Variants in ASAH2B observed in about 807,000 individuals in gnomAD.
ASAH2B encodes N-acylsphingosine amidohydrolase 2B, also known as putative inactive neutral ceramidase B.
ASAH2B carries 1 observed loss-of-function variant against 2.9 expected under a neutral mutation model. The observed-to-expected ratio is 0.34, with a 90% CI of 0.12 to 1.63. The LOEUF is 1.63. Ranked by LOEUF, ASAH2B falls within the 40% of genes most tolerant of loss-of-function variation. The probability of loss-of-function intolerance (pLI) is 0.36; values close to 1 mark genes in which losing one functional copy is unlikely to be tolerated. For synonymous variants in ASAH2B, 4 were observed against 13.3 expected (o/e 0.30, Z 1.52); for missense variants, 9 against 37.7 (o/e 0.24, Z 1.99).
rs550883449 is a variant in ASAH2B, at chr10:50,742,508, C to A, written c.-99-407C>A. On this transcript the variant is annotated intron_variant, in intron 1 of 5. Coordinates refer to ENST00000647317, the MANE Select transcript of ASAH2B (RefSeq NM_001321958.2). ...CATGGCTTTGTGATGGATTAAATGT[C>A]TTTCTCCAGTTAGCACCTTCTAACT... Among the ~76,000 whole-genome samples the A allele has an allele frequency of 5.7e-3, 872 of 152,236 alleles. 7 individuals are homozygous for A. Among genetic ancestry groups the A allele is most frequent in the Non-Finnish European group, 6.2e-3 (421 of 68,014 alleles).
chr10:50,742,921 C>A lies in ASAH2B; in HGVS notation c.-93C>A. Reference sequence around the variant, plus strand: ...CTCCCTGCCTTTCCTGCAGGCTCAGCGATATGAGGCAGCATCGACAATTTA... The same window carrying A: ...CTCCCTGCCTTTCCTGCAGGCTCAGAGATATGAGGCAGCATCGACAATTTA... On this transcript the variant is annotated 5_prime_UTR_variant, in exon 2 of 6. Coordinates refer to ENST00000647317, the MANE Select transcript of ASAH2B (RefSeq NM_001321958.2). 2 of 1,613,958 alleles carry A rather than the reference C, an allele frequency of 1.2e-6. No homozygotes were observed. Among genetic ancestry groups the A allele is most frequent in the Non-Finnish European group, 1.7e-6 (2 of 1,179,868 alleles).
At position 50,755,139 on chromosome 10, in the gene ASAH2B, A is replaced by T. The variant is rs1474405927; in HGVS notation, c.*399A>T. The T allele has an allele frequency of 8.4e-5, 6 of 71,358 alleles. No individual in the cohort carries two copies. Among genetic ancestry groups the T allele is most frequent in the African/African-American group, 2.4e-4 (6 of 25,410 alleles). 4.4% of individuals were successfully genotyped at this position (71,358 alleles called of 1,614,324 possible). ...AACAATGTTTAAATTATTTATTTAT[A>T]TATAGAATTACTGAATATTAGTACT... On this transcript the variant is annotated 3_prime_UTR_variant, in exon 6 of 6. Transcript: ENST00000647317.
intron 1 of ASAH2B, among the ~76,000 whole-genome samples, chr10:50,740,293 C>A (rs1436094280): frequency 6.6e-6 from 1 of 152,078 alleles, no homozygotes; most frequent in African/African-American, 2.4e-5. Context: ...GCTTTTCCCA[C>A]CAAGAGCAAA....
At chr10:50,747,722 G>C (rs1839928729) in intron 3 of ASAH2B, among the ~76,000 whole-genome samples, 2 of 151,818 alleles carry the variant, frequency 1.3e-5, no homozygotes, top group Admixed American at 6.6e-5. Context: ...TTGGTTTTCA[G>C]ATGTTAAATA....
chr10:50,754,089 C>T (rs1837028928), intron 5 of ASAH2B, among the ~76,000 whole-genome samples: 2 of 148,030 alleles, frequency 1.4e-5, no homozygotes, highest in Non-Finnish European at 3.0e-5. Flanking sequence ...ACTGTACCCT[C>T]AGTACTTCTA....
At chr10:50,742,877 T>C (rs2820741) in intron 1 of ASAH2B, 38 bp from the exon 2 acceptor site, 2 of 1,607,012 alleles carry the variant, frequency 1.2e-6, no homozygotes, top group Admixed American at 1.7e-5. Flanking sequence ...GATTTAAATA[T>C]GCAGAACCAT....
At chr10:50,743,349 GCTTACTACAC>G (rs2132720076) in intron 2 of ASAH2B, among the ~76,000 whole-genome samples, 1 of 150,970 alleles carries the variant, frequency 6.6e-6, no homozygotes, top group South Asian at 2.1e-4. Context: ...AAGTGATGAA[GCTTACTACAC>G]CTGGGAGTTG....
At chr10:50,747,042 G>T (rs1389504748) in intron 3 of ASAH2B, among the ~76,000 whole-genome samples, 1 of 147,920 alleles carries the variant, frequency 6.8e-6, no homozygotes, top group African/African-American at 2.5e-5. Context: ...TGTTGCTTTT[G>T]CATTAGGGGT....
At chr10:50,748,660 T>C (rs985136581) in intron 3 of ASAH2B, among the ~76,000 whole-genome samples, 34 of 151,220 alleles carry the variant, frequency 2.2e-4, no homozygotes, top group Non-Finnish European at 4.0e-4. Context: ...TCTATGATGC[T>C]CTGTGCTATA....
rs368662592 is a variant in ASAH2B at position 50,741,248 on chromosome 10, C to T, written c.-100+1265C>T. On this transcript the variant is annotated intron_variant, in intron 1 of 5. Coordinates refer to ENST00000647317, the MANE Select transcript of ASAH2B (RefSeq NM_001321958.2). ...CTTCTACCCAGTATTTTCCTGTCTC[C>T]TGTCCATATCACAGGGATATACTCC... Among the ~76,000 whole-genome samples, 181 of 152,344 alleles carry T rather than the reference C, an allele frequency of 1.2e-3. 1 individual carries two copies. The highest frequency in any genetic ancestry group is 4.3e-3 in the African/African-American group (177 of 41,568).
At chr10:50,749,296 C>CA (rs1270063943) in intron 3 of ASAH2B, 47 bp from the exon 4 acceptor site, 3 of 374,020 alleles carry the variant, frequency 8.0e-6, no homozygotes, top group Admixed American at 6.0e-5. Context: ...ATGAGTATAG[C>CA]AAAAAAACCG....
chr10:50,756,259 T>C lies in ASAH2B; in HGVS notation c.*1519T>C, dbSNP rs1837086932. 6.6e-6 allele frequency: 1 copy of C among 151,410 alleles called. No individual in the cohort carries two copies. Among genetic ancestry groups the C allele is most frequent in the South Asian group, 2.1e-4 (1 of 4,812 alleles). 9.4% of individuals were successfully genotyped at this position (151,410 alleles called of 1,614,324 possible). A position where few individuals can be genotyped will look rare whatever the true frequency, so the allele number is the denominator to read the frequency against. On this transcript the variant is annotated 3_prime_UTR_variant, in exon 6 of 6. Transcript: ENST00000647317. Reference sequence around the variant, plus strand: ...AGTATTAACATCTATTATGTATAACTTAATCTCAACATAATTTATTGAATT... The same window carrying C: ...AGTATTAACATCTATTATGTATAACCTAATCTCAACATAATTTATTGAATT...
chr10:50,746,102 A>G (rs1420771127), intron 3 of ASAH2B, among the ~76,000 whole-genome samples: 1 of 151,510 alleles, frequency 6.6e-6, no homozygotes, highest in Non-Finnish European at 1.5e-5. Context: ...CTTTGTCTAA[A>G]TGAAATTTTA....
chr10:50,748,102 A>G (rs1417983762), intron 3 of ASAH2B, among the ~76,000 whole-genome samples: 3 of 149,046 alleles, frequency 2.0e-5, no homozygotes, highest in East Asian at 2.0e-4. Context: ...CCTTGCATCA[A>G]TTTTGTGTCT....
chr10:50,756,099 TGCAAA>T lies in ASAH2B; in HGVS notation c.*1365_*1369del, dbSNP rs1198028423. 1.4e-5 allele frequency: 2 copies of T among 143,230 alleles called. No homozygotes were observed. The highest frequency in any genetic ancestry group is 3.1e-5 in the Non-Finnish European group (2 of 64,070). 8.9% of individuals were successfully genotyped at this position (143,230 alleles called of 1,614,324 possible). Reference sequence around the variant, plus strand: ...TTAAGTTAACTACAACCTCCCAGACTGCAAAGCAAATTTCCAAACCCCAGGTCATA... The same window carrying T: ...TTAAGTTAACTACAACCTCCCAGACTGCAAATTTCCAAACCCCAGGTCATA... On this transcript the variant is annotated 3_prime_UTR_variant, in exon 6 of 6. Transcript: ENST00000647317.
intron 3 of ASAH2B, among the ~76,000 whole-genome samples, chr10:50,748,117 A>G (rs1839934365): frequency 1.3e-5 from 2 of 148,266 alleles, no homozygotes; most frequent in Non-Finnish European, 3.0e-5. Context: ...GTGTCTTTCT[A>G]GGAATTTATC....
chr10:50,741,653 A>C (rs1036834494), intron 1 of ASAH2B, among the ~76,000 whole-genome samples: 10 of 152,126 alleles, frequency 6.6e-5, no homozygotes. Flanking sequence ...ACATTGATGG[A>C]CCACAATTAG....
chr10:50,740,831 G>T (rs1221569671), intron 1 of ASAH2B, among the ~76,000 whole-genome samples: 2 of 152,022 alleles, frequency 1.3e-5, no homozygotes, highest in East Asian at 1.9e-4. Context: ...TCACTGGAAG[G>T]GTCTCTGTAA....
intron 2 of ASAH2B, among the ~76,000 whole-genome samples, chr10:50,744,091 GTATTTATTTATT>G (rs780097923): frequency 2.0e-5 from 3 of 150,836 alleles, no homozygotes; most frequent in Non-Finnish European, 4.4e-5. Flanking sequence ...ATAACTGTTT[GTATTTATTTATT>G]TATTTATTTC....
Sources: allele counts gnomAD v4.1 joint callset (sites outside exome capture counted in the v4.1 genomes callset), GRCh38; gene constraint gnomAD v4.1.1; transcripts MANE v1.5; gene names NCBI Gene and HGNC (gene_info 2026-07-23, HGNC 2026-07-21).